Variants in WDPCP observed in about 807,000 individuals in gnomAD.
The protein encoded by WDPCP is WD repeat containing planar cell polarity effector, also known as WD repeat-containing and planar cell polarity effector protein fritz homolog.
In WDPCP, 71 loss-of-function variants were observed where a neutral mutation model predicts 93.1. The ratio of observed to expected loss-of-function variants is 0.76; its 90% CI spans 0.63 to 0.93. The LOEUF (loss-of-function observed/expected upper bound fraction) is 0.93. Among genes scored for constraint, WDPCP ranks in the 40% least tolerant of loss-of-function variants. WDPCP has a pLI of 0.00. For missense variants in WDPCP, 844 were observed against 887.4 expected (o/e 0.95, Z 0.62); for synonymous variants, 315 against 315.0 (o/e 1.00, Z 0.00).
intron 13 of WDPCP, among the ~76,000 whole-genome samples, chr2:63,286,985 G>C (rs1350265820): frequency 6.6e-6 from 1 of 152,184 alleles, no homozygotes; most frequent in Non-Finnish European, 1.5e-5. Context: ...AGTTCCAGAA[G>C]CTGGAAATTC....
intron 12 of WDPCP, among the ~76,000 whole-genome samples, chr2:63,315,549 A>G (rs1164370322): frequency 2.6e-5 from 4 of 152,190 alleles, no homozygotes; most frequent in African/African-American, 9.6e-5. Flanking sequence ...AAAAATTAGA[A>G]AAATAACAAA....
rs78671909 is a variant in WDPCP, at chr2:63,676,148, T to C, written n.309-25310A>G. ...GGACAAAATATAAAATAAACATCTG[T>C]TCAAAGACATCAGAAAGCCACTGAG... On this transcript the variant is annotated intron_variant and non_coding_transcript_variant, in intron 2 of 4. Coordinates refer to the WDPCP transcript ENST00000467687. 1.1e-4 allele frequency among the ~76,000 whole-genome samples: 17 copies of C among 152,284 alleles called. No individual in the cohort carries two copies. The East Asian group carries it at 2.7e-3, about 24-fold the overall frequency.
intron 1 of WDPCP, among the ~76,000 whole-genome samples, chr2:63,576,783 T>C (rs1438774279): frequency 6.6e-6 from 1 of 152,132 alleles, no homozygotes; most frequent in Admixed American, 6.5e-5. Flanking sequence ...CAAAAAACAC[T>C]TATCACTTTA....
intron 14 of WDPCP, among the ~76,000 whole-genome samples, chr2:63,257,479 G>A (rs2104759706): frequency 6.6e-6 from 1 of 152,256 alleles, no homozygotes; most frequent in African/African-American, 2.4e-5. Context: ...CAGCAAAACT[G>A]GAGTAGAACA....
At chr2:63,613,833 C>T (rs1488389859) in intron 3 of WDPCP, among the ~76,000 whole-genome samples, 1 of 152,162 alleles carries the variant, frequency 6.6e-6, no homozygotes, top group Non-Finnish European at 1.5e-5. Flanking sequence ...TCTGGTATTT[C>T]CCTTGTCTGA....
chr2:63,820,446 C>T (rs2104123780), intron 1 of WDPCP, among the ~76,000 whole-genome samples: 1 of 152,216 alleles, frequency 6.6e-6, no homozygotes, highest in Non-Finnish European at 1.5e-5. Flanking sequence ...GAGGATAACA[C>T]AAATGCTAGC....
chr2:63,395,066 A>C (rs1377189427), intron 10 of WDPCP, among the ~76,000 whole-genome samples: 3 of 152,146 alleles, frequency 2.0e-5, no homozygotes, highest in African/African-American at 7.2e-5. Context: ...GTATTGACAT[A>C]ATGACCTACT....
chr2:63,734,921 TAGAC>T (rs879508641), intron 2 of WDPCP, among the ~76,000 whole-genome samples: 1 of 145,452 alleles, frequency 6.9e-6, no homozygotes, highest in Non-Finnish European at 1.5e-5. Context: ...AGATAGATGA[TAGAC>T]AGATGAAGAA....
At chr2:63,203,627 C>A (rs1460295563) in intron 14 of WDPCP, among the ~76,000 whole-genome samples, 1 of 152,102 alleles carries the variant, frequency 6.6e-6, no homozygotes, top group Non-Finnish European at 1.5e-5. Context: ...CAATAACCAT[C>A]CTCACTTCCC....
chr2:63,756,145 T>G (rs1480714017), intron 2 of WDPCP, among the ~76,000 whole-genome samples: 3 of 152,254 alleles, frequency 2.0e-5, no homozygotes, highest in African/African-American at 7.2e-5. Context: ...ATCAGTGAAC[T>G]GGAATTCAGA....
chr2:63,241,960 A>C (rs992894959), intron 14 of WDPCP, among the ~76,000 whole-genome samples: 1 of 152,200 alleles, frequency 6.6e-6, no homozygotes, highest in Non-Finnish European at 1.5e-5. Context: ...AATGATTTTT[A>C]AAATGACATG....
intron 3 of WDPCP, among the ~76,000 whole-genome samples, chr2:63,647,794 T>TTTTTTTTTTTTTACATGCA (rs1416588003): frequency 1.3e-5 from 2 of 150,968 alleles, no homozygotes; most frequent in Non-Finnish European, 3.0e-5. Flanking sequence ...GTATTATCAT[T>TTTTTTTTTTTTTACATGCA]TTTTTTTTAC....
At position 63,285,290 on chromosome 2, in the gene WDPCP, C is replaced by T. The variant is rs565239085; in HGVS notation, c.1813-25881G>A. Among the ~76,000 whole-genome samples, 15 of 151,982 alleles carry T rather than the reference C, an allele frequency of 9.9e-5. No homozygotes were observed. The East Asian group carries it at 2.3e-3, about 24-fold the overall frequency. Reference sequence around the variant, plus strand: ...CTAAAAATGCAAAAACAAAATTAGCCGGGTGTGGTGGCGGGTGGCTGTAGT... The same window carrying T: ...CTAAAAATGCAAAAACAAAATTAGCTGGGTGTGGTGGCGGGTGGCTGTAGT... On this transcript the variant is annotated intron_variant, in intron 13 of 17. Coordinates refer to ENST00000272321, the MANE Select transcript of WDPCP (RefSeq NM_015910.7).
At chr2:63,792,841 A>AT (rs1235547412) in intron 2 of WDPCP, among the ~76,000 whole-genome samples, 1 of 152,012 alleles carries the variant, frequency 6.6e-6, no homozygotes, top group Non-Finnish European at 1.5e-5. Flanking sequence ...GAGGAACAAA[A>AT]TGATCAGATT....
At chr2:63,760,874 A>G (rs1350920649) in intron 2 of WDPCP, among the ~76,000 whole-genome samples, 1 of 152,074 alleles carries the variant, frequency 6.6e-6, no homozygotes, top group Non-Finnish European at 1.5e-5. Flanking sequence ...GGAATCTCCA[A>G]TGCAGATGAC....
chr2:63,832,478 T>C (rs1362224707), upstream of WDPCP, among the ~76,000 whole-genome samples: 1 of 152,154 alleles, frequency 6.6e-6, no homozygotes, highest in Non-Finnish European at 1.5e-5. Flanking sequence ...AAAGTCACAT[T>C]GCAAAAGAGC....
intron 10 of WDPCP, among the ~76,000 whole-genome samples, chr2:63,396,656 C>CT (rs11455583): frequency 0.56 from 83,578 of 149,838 alleles, 23,408 homozygotes; most frequent in Admixed American, 0.63. Flanking sequence ...TAAAGTATTT[C>CT]TCTTTTTTTT....
intron 2 of WDPCP, among the ~76,000 whole-genome samples, chr2:63,793,811 G>C (rs962345915): frequency 6.6e-6 from 1 of 151,390 alleles, no homozygotes; most frequent in African/African-American, 2.4e-5. Flanking sequence ...AAATATTATT[G>C]ACAATTTATA....
At chr2:63,533,350 C>T (rs1017899811) in intron 1 of WDPCP, among the ~76,000 whole-genome samples, 2 of 152,110 alleles carry the variant, frequency 1.3e-5, no homozygotes, top group African/African-American at 4.8e-5. Flanking sequence ...AGTTCTGCAC[C>T]AAGCGAACCT....
Sources: allele counts gnomAD v4.1 joint callset (sites outside exome capture counted in the v4.1 genomes callset), GRCh38; gene constraint gnomAD v4.1.1; transcripts MANE v1.5; gene names NCBI Gene and HGNC (gene_info 2026-07-23, HGNC 2026-07-21).